MAML3: variants seen among roughly 807,000 people sequenced by gnomAD.
MAML3 encodes mastermind-like protein 3.
MAML3 carries 27 observed loss-of-function variants against 101.9 expected under a neutral mutation model. The observed-to-expected ratio is 0.27, with a 90% confidence interval of 0.20 to 0.37. The LOEUF (loss-of-function observed/expected upper bound fraction) is 0.37, where lower values mean the gene tolerates loss of function less well. Among genes scored for constraint, MAML3 ranks in the 10% least tolerant of loss-of-function variants. The pLI is 1.00. For synonymous variants in MAML3, 501 were observed against 555.9 expected (o/e 0.90, Z 1.39); for missense variants, 1,316 against 1,444.9 (o/e 0.91, Z 1.45).
intron 1 of MAML3, among the ~76,000 whole-genome samples, chr4:140,086,520 G>C (rs1727954566): frequency 6.7e-6 from 1 of 150,200 alleles, no homozygotes; most frequent in Non-Finnish European, 1.5e-5. Flanking sequence ...TTCTTTAAGG[G>C]AAAAAAAAAG....
chr4:140,076,423 A>T lies in MAML3; in HGVS notation c.468+76437T>A, dbSNP rs540895712. Among the ~76,000 whole-genome samples the T allele has an allele frequency of 9.3e-5, 14 of 150,496 alleles. No homozygotes were observed. In the East Asian group the frequency reaches 2.6e-3, roughly 28 times the overall value. On this transcript the variant is annotated intron_variant, in intron 1 of 4. Transcript: ENST00000509479. ...TCCTGGCTGGTGGAGATCTCAGGAT[A>T]AGGTGTGAGCACGAAAAGGAGACAA... is the stretch of plus-strand genomic sequence containing the variant.
intron 1 of MAML3, among the ~76,000 whole-genome samples, chr4:139,946,383 G>C (rs1209671567): frequency 6.6e-6 from 1 of 152,108 alleles, no homozygotes; most frequent in African/African-American, 2.4e-5. Context: ...AGGACTTACA[G>C]CTAGAACCAA....
At chr4:140,025,760 T>C (rs1238407258) in intron 1 of MAML3, among the ~76,000 whole-genome samples, 1 of 152,206 alleles carries the variant, frequency 6.6e-6, no homozygotes, top group African/African-American at 2.4e-5. Flanking sequence ...CATCTAGAAG[T>C]GTCCTTCTAC....
intron 2 of MAML3, among the ~76,000 whole-genome samples, chr4:139,882,350 G>A (rs1732235379): frequency 6.6e-6 from 1 of 151,192 alleles, no homozygotes; most frequent in Non-Finnish European, 1.5e-5. Flanking sequence ...CATAGTACTA[G>A]ATACAGTGAA....
At chr4:139,917,902 C>T (rs1177066667) in intron 1 of MAML3, among the ~76,000 whole-genome samples, 1 of 152,114 alleles carries the variant, frequency 6.6e-6, no homozygotes, top group African/African-American at 2.4e-5. Flanking sequence ...AGTCAAAGAC[C>T]CATAGACATC....
In MAML3 at chr4:139,973,464, A is replaced by G. The variant is rs945182643; in HGVS notation, c.469-82497T>C. 8.5e-5 allele frequency among the ~76,000 whole-genome samples: 13 copies of G among 152,230 alleles called. 1 individual carries two copies. Among genetic ancestry groups the G allele is most frequent in the African/African-American group, 2.4e-4 (10 of 41,468 alleles). ...ATTATTGATTCGTTTGGGCGGGTCT[A>G]CGTCGTAAAGGTTAAGTGTAGTAAG... On this transcript the variant is annotated intron_variant, in intron 1 of 4. Coordinates refer to ENST00000509479, the MANE Select transcript of MAML3 (RefSeq NM_018717.5).
At chr4:139,927,203 C>T (rs773707205) in intron 1 of MAML3, among the ~76,000 whole-genome samples, 1 of 151,598 alleles carries the variant, frequency 6.6e-6, no homozygotes, top group Admixed American at 6.6e-5. Flanking sequence ...GGGTTACAGG[C>T]GTGAGCCACC....
intron 1 of MAML3, among the ~76,000 whole-genome samples, chr4:140,076,864 GTTTT>G (rs1179071889): frequency 6.6e-6 from 1 of 152,030 alleles, no homozygotes; most frequent in African/African-American, 2.4e-5. Context: ...TTTTGTTGTT[GTTTT>G]TGTTTTTTTC....
At chr4:140,122,716 C>T (rs942510546) in intron 1 of MAML3, among the ~76,000 whole-genome samples, 3 of 149,662 alleles carry the variant, frequency 2.0e-5, no homozygotes, top group South Asian at 2.1e-4. Context: ...GGCGTGAACC[C>T]GGGAGGCGGA....
chr4:140,097,573 T>TC (rs912508257), intron 1 of MAML3, among the ~76,000 whole-genome samples: 3 of 151,934 alleles, frequency 2.0e-5, no homozygotes, highest in African/African-American at 7.3e-5. Context: ...GGGAAAATCT[T>TC]CCTGAAACCG....
chr4:139,882,220 C>T (rs1257497711), intron 2 of MAML3, among the ~76,000 whole-genome samples: 1 of 151,336 alleles, frequency 6.6e-6, no homozygotes, highest in East Asian at 1.9e-4. Context: ...ACATAATAAA[C>T]AGAAGTTTCA....
intron 1 of MAML3, among the ~76,000 whole-genome samples, chr4:139,975,636 G>GT (rs1409944295): frequency 5.3e-5 from 8 of 152,118 alleles, no homozygotes; most frequent in Non-Finnish European, 1.2e-4. Context: ...ATTCACTGCT[G>GT]TATGTCTCAA....
intron 1 of MAML3, among the ~76,000 whole-genome samples, chr4:139,959,919 A>G (rs1054019807): frequency 8.5e-5 from 13 of 152,226 alleles, no homozygotes; most frequent in Non-Finnish European, 1.9e-4. Flanking sequence ...TTCATTAATT[A>G]AAAAACTATT....
intron 1 of MAML3, among the ~76,000 whole-genome samples, chr4:139,938,124 C>T (rs1041457582): frequency 6.6e-6 from 1 of 152,088 alleles, no homozygotes; most frequent in African/African-American, 2.4e-5. Flanking sequence ...TATGAGTGGC[C>T]CCCAAGGCAG....
chr4:139,832,978 T>A (rs1454026535), intron 2 of MAML3, among the ~76,000 whole-genome samples: 1 of 152,212 alleles, frequency 6.6e-6, no homozygotes, highest in Non-Finnish European at 1.5e-5. Context: ...TAACAGTAAT[T>A]TATGATTTTG....
intron 2 of MAML3, among the ~76,000 whole-genome samples, chr4:139,771,958 G>C (rs1468644691): frequency 8.0e-6 from 1 of 125,490 alleles, no homozygotes; most frequent in Non-Finnish European, 1.7e-5. Flanking sequence ...AAAAAAAAAA[G>C]TCCGGGCGCG....
In MAML3 at chr4:139,717,014, A is replaced by AAAT. The variant is rs1727998857; in HGVS notation, c.*2306_*2308dup. On this transcript the variant is annotated 3_prime_UTR_variant, in exon 5 of 5. Transcript: ENST00000509479. Reference sequence around the variant, plus strand: ...GATGATGAGTTAAGGAATGAAATAAAAATACTCTATTTTAAACAAACAGTA... The same window carrying AAAT: ...GATGATGAGTTAAGGAATGAAATAAAAATAATACTCTATTTTAAACAAACAGTA... 1.3e-5 allele frequency: 2 copies of AAAT among 152,606 alleles called. No individual in the cohort carries two copies. The highest frequency in any genetic ancestry group is 1.5e-5 in the Non-Finnish European group (1 of 68,030). The allele number at this position is 152,606 out of a possible 1,614,324, so 9.5% of individuals were successfully genotyped here.
chr4:139,812,036 G>T (rs1365113853), intron 2 of MAML3, among the ~76,000 whole-genome samples: 3 of 152,086 alleles, frequency 2.0e-5, no homozygotes, highest in African/African-American at 7.2e-5. Context: ...GCTGAGGAGG[G>T]AGGATCACCA....
chr4:139,883,549 A>C (rs574654412), intron 2 of MAML3, among the ~76,000 whole-genome samples: 1 of 152,008 alleles, frequency 6.6e-6, no homozygotes, highest in Admixed American at 6.5e-5. Context: ...AAAGAGAGAG[A>C]CTGTGTGTGG....
Sources: allele counts gnomAD v4.1 joint callset (sites outside exome capture counted in the v4.1 genomes callset), GRCh38; gene constraint gnomAD v4.1.1; transcripts MANE v1.5; gene names NCBI Gene and HGNC (gene_info 2026-07-23, HGNC 2026-07-21).